The following NPSR1 variants were observed in gnomAD, a reference collection of about 807,000 sequenced individuals.
The protein encoded by NPSR1 is neuropeptide S receptor 1.
NPSR1 carries 48 observed loss-of-function variants against 46.9 expected under a neutral mutation model. That is an observed-to-expected ratio of 1.02 (90% CI 0.81 to 1.30). NPSR1 has a LOEUF of 1.30. Among genes scored for constraint, NPSR1 ranks in the 50% most tolerant of loss-of-function variants. NPSR1 has a pLI of 0.00. For missense variants in NPSR1, 450 were observed against 449.5 expected, an observed-to-expected ratio of 1.00 and a Z score of -0.01; for synonymous variants, 176 against 168.1, an observed-to-expected ratio of 1.05 and a Z score of -0.36.
chr7:34,845,681 T>G (rs1790715825), intron 7 of NPSR1: 1 of 432,752 alleles, frequency 2.3e-6, no homozygotes, highest in Admixed American at 2.7e-5. Flanking sequence ...AGATTGATTT[T>G]CTTATAGTCT....
In NPSR1 at chr7:34,828,677, A is replaced by G. The variant is rs149323905; in HGVS notation, c.680+1075A>G. ...CCTTTGTTTTTGATAGTGTAAAGAGAGCTGTGATAAAAATCCTTGTACTTA... is the reference window on the plus strand; with the variant it reads ...CCTTTGTTTTTGATAGTGTAAAGAGGGCTGTGATAAAAATCCTTGTACTTA... On this transcript the variant is annotated intron_variant, in intron 5 of 8. Coordinates refer to ENST00000360581, the MANE Select transcript of NPSR1 (RefSeq NM_207172.2). Among the ~76,000 whole-genome samples the G allele has an allele frequency of 2.0e-5, 3 of 152,282 alleles. No homozygotes were observed. The East Asian group carries it at 5.8e-4, about 29-fold the overall frequency.
At chr7:34,777,808 T>C (rs1270233254) in intron 2 of NPSR1, among the ~76,000 whole-genome samples, 1 of 152,182 alleles carries the variant, frequency 6.6e-6, no homozygotes, top group African/African-American at 2.4e-5. Context: ...GCACAGCTTG[T>C]ACAATCTGTA....
chr7:34,808,872 A>ATTT (rs1788839614), intron 3 of NPSR1, among the ~76,000 whole-genome samples: 3 of 151,824 alleles, frequency 2.0e-5, no homozygotes, highest in African/African-American at 7.3e-5. Context: ...TAACTTTTAA[A>ATTT]TTTTTTTACC....
intron 1 of NPSR1, among the ~76,000 whole-genome samples, chr7:34,666,743 A>G (rs1171364430): frequency 6.6e-6 from 1 of 152,206 alleles, no homozygotes. Context: ...TGGCCCCCAG[A>G]GAGTCAAGCA....
intron 6 of NPSR1, among the ~76,000 whole-genome samples, chr7:34,841,360 C>T (rs1324761523): frequency 6.6e-6 from 1 of 152,142 alleles, no homozygotes; most frequent in Non-Finnish European, 1.5e-5. Flanking sequence ...GGTGAAGAGC[C>T]AGAAATGGCC....
chr7:34,712,302 T>C (rs34237353), intron 2 of NPSR1, among the ~76,000 whole-genome samples: 2,032 of 152,360 alleles, frequency 0.013, 21 homozygotes, highest in Non-Finnish European at 0.023. Flanking sequence ...TATAAGACTT[T>C]CCTGCCTTCT....
intron 3 of NPSR1, among the ~76,000 whole-genome samples, chr7:34,809,723 A>T (rs1213181790): frequency 6.6e-6 from 1 of 152,046 alleles, no homozygotes; most frequent in Non-Finnish European, 1.5e-5. Context: ...TCGGCCTCCC[A>T]AAGTGCTGGG....
chr7:34,827,641 G>GGGA, intron 5 of NPSR1, 39 bp downstream of exon 5: 1 of 728,946 alleles, frequency 1.4e-6, no homozygotes, highest in Non-Finnish European at 2.1e-6. Flanking sequence ...GGGGGGGTGG[G>GGGA]GCGGGGGGGG....
intron 8 of NPSR1, among the ~76,000 whole-genome samples, chr7:34,855,395 CAG>C: frequency 6.6e-6 from 1 of 151,930 alleles, no homozygotes; most frequent in Non-Finnish European, 1.5e-5. Context: ...CACAAATAAA[CAG>C]TATTCTTTAA....
intron 3 of NPSR1, among the ~76,000 whole-genome samples, chr7:34,788,896 T>C (rs939491104): frequency 1.3e-5 from 2 of 151,982 alleles, no homozygotes; most frequent in Non-Finnish European, 2.9e-5. Context: ...AGGATAATCA[T>C]AGAGTAAGCC....
At chr7:34,821,198 G>A (rs1789544084) in intron 4 of NPSR1, among the ~76,000 whole-genome samples, 1 of 144,496 alleles carries the variant, frequency 6.9e-6, no homozygotes, top group Non-Finnish European at 1.5e-5. Context: ...GCAGTGGCGC[G>A]ATCTCAGCTC....
rs758399 is a variant in NPSR1, at chr7:34,684,990, T to C, written c.280+306T>C. ...CAGTAGCCTCCATAGTTCACTAAGGTGATATTACCATATCATCCTGCATTA... is the reference window on the plus strand; with the variant it reads ...CAGTAGCCTCCATAGTTCACTAAGGCGATATTACCATATCATCCTGCATTA... On this transcript the variant is annotated intron_variant, in intron 2 of 8. Coordinates refer to ENST00000360581, the MANE Select transcript of NPSR1 (RefSeq NM_207172.2). 2.0e-5 allele frequency among the ~76,000 whole-genome samples: 3 copies of C among 152,312 alleles called. No homozygotes were observed. The East Asian group carries it at 5.8e-4, about 29-fold the overall frequency.
intron 6 of NPSR1, among the ~76,000 whole-genome samples, chr7:34,844,685 T>A (rs1312159732): frequency 6.6e-6 from 1 of 152,152 alleles, no homozygotes; most frequent in Non-Finnish European, 1.5e-5. Flanking sequence ...CCATACCATT[T>A]TCATATAATA....
At chr7:34,854,511 G>T (rs867738169), downstream of NPSR1, among the ~76,000 whole-genome samples, 1 of 152,078 alleles carries the variant, frequency 6.6e-6, no homozygotes, top group Admixed American at 6.6e-5. Context: ...AGCTGGTAAG[G>T]CTATATTAAT....
At chr7:34,659,428 G>T (rs930877872) in intron 1 of NPSR1, among the ~76,000 whole-genome samples, 2 of 152,128 alleles carry the variant, frequency 1.3e-5, no homozygotes, top group African/African-American at 4.8e-5. Context: ...GCTTTGTTGG[G>T]TTTTGTTGTT....
At chr7:34,736,522 A>G (rs1784671555) in intron 2 of NPSR1, among the ~76,000 whole-genome samples, 2 of 152,254 alleles carry the variant, frequency 1.3e-5, no homozygotes, top group African/African-American at 4.8e-5. Context: ...ACACTGGCGA[A>G]CAAAGCTGGA....
chr7:34,751,043 GAGC>G, intron 2 of NPSR1: 1 of 774,426 alleles, frequency 1.3e-6, no homozygotes, highest in Non-Finnish European at 2.4e-6. Context: ...CAGGGTTGAT[GAGC>G]AGCATGGCCA....
At chr7:34,859,096 T>C (rs1274217191) in intron 8 of NPSR1, among the ~76,000 whole-genome samples, 2 of 151,598 alleles carry the variant, frequency 1.3e-5, no homozygotes, top group African/African-American at 2.4e-5. Flanking sequence ...GGTGATCAAC[T>C]GGGTCTTGGT....
downstream of NPSR1, among the ~76,000 whole-genome samples, chr7:34,851,793 T>G (rs1043479456): frequency 3.9e-5 from 6 of 152,328 alleles, no homozygotes; most frequent in Admixed American, 3.3e-4. Flanking sequence ...AGGGGCGTTG[T>G]GATCTGTAGA....
Sources: allele counts gnomAD v4.1 joint callset (sites outside exome capture counted in the v4.1 genomes callset), GRCh38; gene constraint gnomAD v4.1.1; transcripts MANE v1.5; gene names NCBI Gene and HGNC (gene_info 2026-07-23, HGNC 2026-07-21).